The following PGR variants were observed in gnomAD, a reference collection of about 807,000 sequenced individuals.
PGR encodes progesterone receptor.
A neutral mutation model predicts 76.1 loss-of-function variants in PGR; 25 were observed. The observed-to-expected ratio is 0.33, with a 90% CI of 0.24 to 0.46. The LOEUF (loss-of-function observed/expected upper bound fraction) is 0.46. Among genes scored for constraint, PGR ranks in the 20% least tolerant of loss-of-function variants. The pLI is 1.00. For missense variants in PGR, 1,172 were observed against 1,225.3 expected (o/e 0.96, Z 0.65); for synonymous variants, 579 against 535.0 (o/e 1.08, Z -1.14).
At chr11:101,057,922 C>T (rs536942867) in intron 4 of PGR, among the ~76,000 whole-genome samples, 11 of 151,850 alleles carry the variant, frequency 7.2e-5, no homozygotes, top group Non-Finnish European at 1.3e-4. Context: ...TAGGAGTCAT[C>T]GAAATATAGT....
intron 2 of PGR, among the ~76,000 whole-genome samples, chr11:101,092,983 A>T (rs1025873082): frequency 2.0e-5 from 3 of 152,180 alleles, no homozygotes; most frequent in Non-Finnish European, 4.4e-5. Flanking sequence ...ACATGTACTT[A>T]ATCAAGCAGG....
chr11:101,093,539 C>T (rs1473809739), intron 2 of PGR, among the ~76,000 whole-genome samples: 1 of 152,198 alleles, frequency 6.6e-6, no homozygotes, highest in Non-Finnish European at 1.5e-5. Context: ...CGGCTCACCA[C>T]AACGTCCACC....
At chr11:101,054,779 G>A (rs1371860192) in intron 4 of PGR, among the ~76,000 whole-genome samples, 1 of 152,136 alleles carries the variant, frequency 6.6e-6, no homozygotes, top group Admixed American at 6.6e-5. Flanking sequence ...AACTCAGTGA[G>A]TTGCTATGAG....
At chr11:101,093,763 T>A (rs1174878791) in intron 2 of PGR, among the ~76,000 whole-genome samples, 1 of 152,150 alleles carries the variant, frequency 6.6e-6, no homozygotes, top group Non-Finnish European at 1.5e-5. Flanking sequence ...CCACCAAGGT[T>A]TTCTCTATAC....
At position 101,038,467 on chromosome 11, in the gene PGR, A is replaced by C; in HGVS notation, c.*649T>G. The C allele has an allele frequency of 4.4e-6, 1 of 226,770 alleles. No individual in the cohort carries two copies. The highest frequency in any genetic ancestry group is 8.8e-6 in the Non-Finnish European group (1 of 114,018). 14.0% of individuals were successfully genotyped at this position (226,770 alleles called of 1,614,324 possible). On this transcript the variant is annotated 3_prime_UTR_variant, in exon 8 of 8. Coordinates refer to ENST00000325455, the MANE Select transcript of PGR (RefSeq NM_000926.4). ...ACAATACTATTTGCATAATGATATG[A>C]ATCTACTTATTAACTTCCTAAGAGA...
intron 2 of PGR, among the ~76,000 whole-genome samples, chr11:101,111,211 T>G (rs576307328): frequency 6.6e-6 from 1 of 152,182 alleles, no homozygotes; most frequent in East Asian, 1.9e-4. Context: ...ACACAAAAAG[T>G]GGAAGTCTCC....
At chr11:101,069,252 T>A (rs114920615) in intron 3 of PGR, among the ~76,000 whole-genome samples, 7 of 151,180 alleles carry the variant, frequency 4.6e-5, no homozygotes, top group Admixed American at 4.6e-4. Flanking sequence ...CCAAAAAACA[T>A]GGAAAAAAGC....
At chr11:101,051,712 G>C in intron 4 of PGR, 144 bp from the exon 5 acceptor site, 3 of 667,052 alleles carry the variant, frequency 4.5e-6, no homozygotes, top group Non-Finnish European at 8.1e-6. Context: ...CTGAAAATCA[G>C]AAAACATTAA....
chr11:101,070,791 G>T lies in PGR; in HGVS notation c.1907-8039C>A, dbSNP rs550494412. On this transcript the variant is annotated intron_variant, in intron 3 of 7. Coordinates refer to ENST00000325455, the MANE Select transcript of PGR (RefSeq NM_000926.4). Reference sequence around the variant, plus strand: ...CCTCTCTAGACTCCTCTCTGGGCAGGGCATCTCTGAAAGAAAGGCAGCAGC... The same window carrying T: ...CCTCTCTAGACTCCTCTCTGGGCAGTGCATCTCTGAAAGAAAGGCAGCAGC... Among the ~76,000 whole-genome samples, 11 of 152,278 alleles carry T rather than the reference G, an allele frequency of 7.2e-5. No homozygotes were observed. In the South Asian group the frequency reaches 2.3e-3, roughly 32 times the overall value.
At position 101,051,444 on chromosome 11, in the gene PGR, T is replaced by C. The variant is rs1340112001; in HGVS notation, c.2337A>G (p.Ala779=). ...CTTACTCATTTAGTATTAGATCAGGTGCAAAATACAGCATCTGCCCACTGA... is the reference window on the plus strand; with the variant it reads ...CTTACTCATTTAGTATTAGATCAGGCGCAAAATACAGCATCTGCCCACTGA... ...KHVSGQMLYF[A]PDLILNEQRM... The change falls in exon 5 of 8, where the codon GCA becomes GCG. Residue 779 remains alanine (A), a synonymous_variant. Transcript: ENST00000325455. 2.5e-6 allele frequency: 4 copies of C among 1,608,768 alleles called. No individual in the cohort carries two copies. The highest frequency in any genetic ancestry group is 2.7e-5 in the African/African-American group (2 of 74,818).
chr11:101,093,760 G>C (rs1401733603), intron 2 of PGR, among the ~76,000 whole-genome samples: 1 of 152,122 alleles, frequency 6.6e-6, no homozygotes, highest in Non-Finnish European at 1.5e-5. Context: ...CGCCCACCAA[G>C]GTTTTCTCTA....
intron 2 of PGR, among the ~76,000 whole-genome samples, chr11:101,116,195 T>C (rs371084235): frequency 1.3e-5 from 2 of 152,304 alleles, no homozygotes; most frequent in African/African-American, 4.8e-5. Context: ...CATTCTTGGC[T>C]CCATCTAGTC....
At chr11:101,093,013 G>A (rs564266233) in intron 2 of PGR, among the ~76,000 whole-genome samples, 1 of 152,218 alleles carries the variant, frequency 6.6e-6, no homozygotes, top group Admixed American at 6.5e-5. Context: ...TAGCCTAAAC[G>A]GCAAAGGGCA....
intron 3 of PGR, among the ~76,000 whole-genome samples, chr11:101,068,821 A>T (rs1431612493): frequency 2.6e-5 from 4 of 152,180 alleles, no homozygotes; most frequent in Admixed American, 1.3e-4. Context: ...CCATATGCAG[A>T]AAACTGAAAG....
At chr11:101,071,713 GAAGA>G (rs1860942747) in intron 3 of PGR, among the ~76,000 whole-genome samples, 1 of 151,760 alleles carries the variant, frequency 6.6e-6, no homozygotes, top group Admixed American at 6.6e-5. Context: ...TTATCAAGCA[GAAGA>G]AAGGATATCA....
intron 3 of PGR, among the ~76,000 whole-genome samples, chr11:101,072,636 A>C (rs1290527257): frequency 6.6e-6 from 1 of 152,214 alleles, no homozygotes; most frequent in Non-Finnish European, 1.5e-5. Flanking sequence ...AGGAATATTT[A>C]CCAAGCAAAT....
intron 3 of PGR, among the ~76,000 whole-genome samples, chr11:101,074,686 GACAA>G (rs1361581923): frequency 6.6e-6 from 1 of 152,060 alleles, no homozygotes. Context: ...ACCAATAATA[GACAA>G]ACAGAGAGCC....
At chr11:101,079,888 T>C (rs187200457) in intron 3 of PGR, among the ~76,000 whole-genome samples, 1 of 150,084 alleles carries the variant, frequency 6.7e-6, no homozygotes, top group East Asian at 2.0e-4. Context: ...CCCCTCTCTA[T>C]TCCATGCCAA....
chr11:101,076,904 A>T (rs865941258), intron 3 of PGR, among the ~76,000 whole-genome samples: 3 of 147,388 alleles, frequency 2.0e-5, no homozygotes, highest in Non-Finnish European at 3.0e-5. Flanking sequence ...CTATTTTTTT[A>T]AAACTACAAA....
Sources: gnomAD v4.1 joint callset for allele counts (sites outside exome capture counted in the v4.1 genomes callset) on GRCh38, gnomAD v4.1.1 for gene constraint, MANE v1.5 for transcripts, NCBI Gene and HGNC (gene_info 2026-07-23, HGNC 2026-07-21) for gene names.